The following PRKN variants were observed in gnomAD, a reference collection of about 807,000 sequenced individuals.
PRKN encodes parkin RBR E3 ubiquitin protein ligase, also known as E3 ubiquitin-protein ligase parkin.
PRKN carries 56 observed loss-of-function variants against 59.5 expected under a neutral mutation model. The observed-to-expected ratio is 0.94, with a 90% CI of 0.76 to 1.18. The LOEUF (loss-of-function observed/expected upper bound fraction) is 1.18. PRKN is among the 50% of genes most tolerant of loss of function. The pLI is 0.00. For synonymous variants in PRKN, 250 were observed against 222.1 expected (o/e 1.13, Z -1.12); for missense variants, 657 against 596.4 (o/e 1.10, Z -1.06).
intron 5 of PRKN, among the ~76,000 whole-genome samples, chr6:162,021,155 TATATATATATAA>T (rs1235547808): frequency 2.1e-4 from 4 of 19,066 alleles, no homozygotes; most frequent in African/African-American, 6.8e-4. Context: ...TATATATATA[TATATATATATAA>T]AATATATGTG....
intron 1 of PRKN, among the ~76,000 whole-genome samples, chr6:162,511,041 G>A (rs1777592527): frequency 6.6e-6 from 1 of 152,010 alleles, no homozygotes; most frequent in Admixed American, 6.6e-5. Context: ...AAATTTTAAT[G>A]AAACAACCAT....
intron 2 of PRKN, among the ~76,000 whole-genome samples, chr6:162,350,129 T>C (rs914755357): frequency 5.3e-5 from 8 of 151,912 alleles, no homozygotes; most frequent in African/African-American, 1.9e-4. Flanking sequence ...CAGGAAAACA[T>C]CTGACCAAAC....
chr6:162,722,358 A>T (rs1472437316), intron 1 of PRKN, among the ~76,000 whole-genome samples: 1 of 152,240 alleles, frequency 6.6e-6, no homozygotes, highest in Non-Finnish European at 1.5e-5. Flanking sequence ...ATTCCTTTTA[A>T]CCAAGATTCT....
intron 6 of PRKN, among the ~76,000 whole-genome samples, chr6:161,948,482 C>T (rs1779864252): frequency 6.6e-6 from 1 of 152,174 alleles, no homozygotes; most frequent in South Asian, 2.1e-4. Flanking sequence ...AACTTTCATC[C>T]TACAGTCTCC....
Position 161,410,626 on chromosome 6 carries a change from G to A in PRKN, c.1084-23749C>T, listed in dbSNP as rs1167359552. ...TTCCTCCATTCTGGTGCTCATCGTGGGCCATGCGTTGGTTACAAGGAAGCA... is the reference window on the plus strand; with the variant it reads ...TTCCTCCATTCTGGTGCTCATCGTGAGCCATGCGTTGGTTACAAGGAAGCA... On this transcript the variant is annotated intron_variant, in intron 9 of 11. Coordinates refer to ENST00000366898, the MANE Select transcript of PRKN (RefSeq NM_004562.3). The surrounding 1 kb of genome is among the most constrained non-coding windows in gnomAD (Gnocchi z 5.3). Among the ~76,000 whole-genome samples, 1 of 152,084 alleles carries A rather than the reference G, an allele frequency of 6.6e-6. No individual in the cohort carries two copies. The highest frequency in any genetic ancestry group is 6.6e-5 in the Admixed American group (1 of 15,260).
chr6:161,472,113 T>A (rs77398956), intron 9 of PRKN, among the ~76,000 whole-genome samples: 1 of 152,306 alleles, frequency 6.6e-6, no homozygotes, highest in Middle Eastern at 3.4e-3. Flanking sequence ...ATCTTCTTCA[T>A]GGCCTGCTTT....
rs531954932 is a variant in PRKN at position 162,231,943 on chromosome 6, G to T, written c.412+30582C>A. On this transcript the variant is annotated intron_variant, in intron 3 of 11. Coordinates refer to ENST00000366898, the MANE Select transcript of PRKN (RefSeq NM_004562.3). ...CTAATAAGGGCCTGGCTGGGTTAAG[G>T]CTGCTGTGTCCACAGTATCATAGTG... Among the ~76,000 whole-genome samples, 7 of 152,214 alleles carry T rather than the reference G, an allele frequency of 4.6e-5. No individual in the cohort carries two copies. The South Asian group carries it at 1.5e-3, about 32-fold the overall frequency.
At chr6:162,322,973 G>T (rs1300360898) in intron 2 of PRKN, among the ~76,000 whole-genome samples, 1 of 148,778 alleles carries the variant, frequency 6.7e-6, no homozygotes, top group Non-Finnish European at 1.5e-5. Flanking sequence ...TCACAAGAAT[G>T]AAAAACCAAA....
intron 1 of PRKN, among the ~76,000 whole-genome samples, chr6:162,691,447 C>T (rs1192461803): frequency 6.6e-6 from 1 of 151,968 alleles, no homozygotes; most frequent in East Asian, 1.9e-4. Flanking sequence ...ATTCCAAAAA[C>T]ACCCCCACTT....
intron 9 of PRKN, among the ~76,000 whole-genome samples, chr6:161,432,161 A>G (rs1247924565): frequency 6.6e-6 from 1 of 152,194 alleles, no homozygotes; most frequent in Non-Finnish European, 1.5e-5. Flanking sequence ...CAAATCAAGT[A>G]CAAGAACAGA....
At chr6:162,659,003 A>G (rs1168732335) in intron 1 of PRKN, among the ~76,000 whole-genome samples, 2 of 152,198 alleles carry the variant, frequency 1.3e-5, no homozygotes, top group Admixed American at 6.5e-5. Context: ...ATCAAGCTGT[A>G]AAACACTGAA....
In PRKN at chr6:162,481,715, AT is replaced by A. The variant is rs952717004; in HGVS notation, c.8-38243del. Among the ~76,000 whole-genome samples the A allele has an allele frequency of 1.1e-4, 16 of 151,762 alleles. No individual in the cohort carries two copies. The South Asian group carries it at 1.3e-3, about 12-fold the overall frequency. Reference sequence around the variant, plus strand: ...GATCATACCATTGATTAACTAAAATATTTTTTTTTCAAATGACGGCTGATGA... The same window carrying A: ...GATCATACCATTGATTAACTAAAATATTTTTTTTCAAATGACGGCTGATGA... On this transcript the variant is annotated intron_variant, in intron 1 of 11. Transcript: ENST00000366898.
intron 4 of PRKN, among the ~76,000 whole-genome samples, chr6:162,144,258 T>C (rs1447670788): frequency 6.6e-6 from 1 of 152,134 alleles, no homozygotes; most frequent in Non-Finnish European, 1.5e-5. Context: ...ATTAATATTC[T>C]CCCATCATGA....
intron 7 of PRKN, among the ~76,000 whole-genome samples, chr6:161,626,676 G>A (rs757113994): frequency 1.6e-4 from 25 of 152,166 alleles, no homozygotes; most frequent in Non-Finnish European, 3.4e-4. Flanking sequence ...GCCAAATGAT[G>A]GATGAACAAA....
At chr6:162,195,306 T>G (rs982293826) in intron 4 of PRKN, among the ~76,000 whole-genome samples, 44 of 152,158 alleles carry the variant, frequency 2.9e-4, no homozygotes, top group African/African-American at 1.0e-3. Context: ...TATCACACAC[T>G]TAGGCAAAAA....
intron 5 of PRKN, among the ~76,000 whole-genome samples, chr6:161,979,428 A>G (rs1410414840): frequency 1.3e-5 from 2 of 152,070 alleles, no homozygotes; most frequent in South Asian, 4.2e-4. Flanking sequence ...GTGTGCCACC[A>G]TGCCTGGCTA....
intron 1 of PRKN, among the ~76,000 whole-genome samples, chr6:162,490,257 T>G (rs1792745265): frequency 6.6e-6 from 1 of 152,220 alleles, no homozygotes; most frequent in Non-Finnish European, 1.5e-5. Flanking sequence ...TGCTTTTTCT[T>G]TTCAAAGTCT....
intron 1 of PRKN, among the ~76,000 whole-genome samples, chr6:162,658,658 C>CAAAAAAAAAA (rs57853171): frequency 2.7e-5 from 3 of 109,094 alleles, no homozygotes; most frequent in African/African-American, 6.8e-5. Flanking sequence ...GAGACTCTGT[C>CAAAAAAAAAA]AAAAAAAAAA....
intron 4 of PRKN, among the ~76,000 whole-genome samples, chr6:162,164,678 A>G (rs1268439951): frequency 1.3e-5 from 2 of 149,100 alleles, no homozygotes; most frequent in Non-Finnish European, 3.0e-5. Flanking sequence ...ATAATGAAGT[A>G]TAGCAGAAAG....
Sources: allele counts gnomAD v4.1 joint callset (sites outside exome capture counted in the v4.1 genomes callset), GRCh38; gene constraint gnomAD v4.1.1; non-coding constraint Gnocchi (gnomAD v3.1); transcripts MANE v1.5; gene names NCBI Gene and HGNC (gene_info 2026-07-23, HGNC 2026-07-21).